Variants in RCC1L observed in about 807,000 individuals in gnomAD.
RCC1L encodes RCC1-like G exchanging factor-like protein.
RCC1L carries 46 observed loss-of-function variants against 58.6 expected under a neutral mutation model. That is an observed-to-expected ratio of 0.79 (90% confidence interval 0.62 to 1.00). The LOEUF (loss-of-function observed/expected upper bound fraction) is 1.00, where lower values mean the gene tolerates loss of function less well. RCC1L is among the 50% of genes least tolerant of loss of function. RCC1L has a pLI of 0.00. For missense variants in RCC1L, 636 were observed against 623.6 expected (o/e 1.02, Z -0.21); for synonymous variants, 281 against 262.9 (o/e 1.07, Z -0.67).
In RCC1L at chr7:75,042,751, C is replaced by T. The variant is rs1274034538; in HGVS notation, c.*281G>A. On this transcript the variant is annotated 3_prime_UTR_variant, in exon 11 of 11. Coordinates refer to ENST00000610322, the MANE Select transcript of RCC1L (RefSeq NM_030798.5). ...GGCGAGACGTGACACCAGACACCGTCGCATGTTACTTGGAGAGAACAGAGA... is the reference window on the plus strand; with the variant it reads ...GGCGAGACGTGACACCAGACACCGTTGCATGTTACTTGGAGAGAACAGAGA... 5.7e-5 allele frequency: 79 copies of T among 1,374,194 alleles called. No individual in the cohort carries two copies. The highest frequency in any genetic ancestry group is 7.0e-5 in the Non-Finnish European group (74 of 1,056,480). The allele number at this position is 1,374,194 out of a possible 1,614,324, so 85.1% of individuals were successfully genotyped here.
intron 10 of RCC1L, among the ~76,000 whole-genome samples, chr7:75,030,844 C>T (rs1052299421): frequency 3.3e-4 from 51 of 152,302 alleles, no homozygotes; most frequent in African/African-American, 1.2e-3. Flanking sequence ...AAAGGCATCC[C>T]ATCCTGCAGA....
chr7:75,073,485 C>T lies in RCC1L; in HGVS notation c.253G>A (p.Gly85Arg), dbSNP rs1806846080. ...PSFVVPSSGP[G>R]PRAGARPRRR... ...CGCGGTCGGGCGCCGGCGCGGGGCC[C>T]GGGCCCGGAGCTGGGCACCACAAAG... The change falls in exon 1 of 11, where the codon GGG becomes AGG. Residue 85 changes from glycine (G) to arginine (R), a missense_variant. Coordinates refer to ENST00000610322, the MANE Select transcript of RCC1L (RefSeq NM_030798.5). 1 of 1,386,922 alleles carries T rather than the reference C, an allele frequency of 7.2e-7. No individual in the cohort carries two copies. Among genetic ancestry groups the T allele is most frequent in the South Asian group, 1.6e-5 (1 of 61,840 alleles). 85.9% of individuals were successfully genotyped at this position (1,386,922 alleles called of 1,614,324 possible). A position where few individuals can be genotyped will look rare whatever the true frequency, so the allele number is the denominator to read the frequency against.
intron 10 of RCC1L, among the ~76,000 whole-genome samples, chr7:75,028,338 C>T (rs959544091): frequency 6.6e-6 from 1 of 152,094 alleles, no homozygotes; most frequent in African/African-American, 2.4e-5. Flanking sequence ...CCACGCTGGT[C>T]TTGAACTCCT....
intron 9 of RCC1L, among the ~76,000 whole-genome samples, chr7:75,053,567 A>C (rs1805985852): frequency 2.0e-5 from 3 of 152,176 alleles, no homozygotes; most frequent in Admixed American, 2.0e-4. Flanking sequence ...GACGGAACAG[A>C]CAGATGATTT....
intron 10 of RCC1L, among the ~76,000 whole-genome samples, chr7:75,032,835 GT>G (rs1805341224): frequency 2.6e-5 from 4 of 152,072 alleles, no homozygotes; most frequent in Admixed American, 1.3e-4. Flanking sequence ...ACTTTTGGAG[GT>G]GGAGGCGGGA....
chr7:75,070,766 A>T lies in RCC1L; in HGVS notation c.328T>A (p.Ser110Thr), dbSNP rs782369320. The change falls in exon 2 of 11, where the codon TCA becomes ACA. Residue 110 changes from serine to threonine, a missense_variant. Ser to Thr is a moderately conservative substitution (Grantham distance 58). Coordinates refer to ENST00000610322, the MANE Select transcript of RCC1L (RefSeq NM_030798.5). ...PYRLELDQKI[S>T]SAACGYGFTL... ...AATCCATAGCCGCAAGCAGCAGATG[A>T]AATCTGAAAAGCAGTTCCCACAAAG... 6.2e-7 allele frequency: 1 copy of T among 1,613,980 alleles called. No individual in the cohort carries two copies. The highest frequency in any genetic ancestry group is 1.7e-4 in the Middle Eastern group (1 of 6,060).
chr7:75,044,477 T>G (rs1805658334), intron 10 of RCC1L, among the ~76,000 whole-genome samples: 4 of 150,650 alleles, frequency 2.7e-5, no homozygotes, highest in Non-Finnish European at 5.9e-5. Flanking sequence ...CGCACGCCTA[T>G]AACCCCAGCT....
intron 9 of RCC1L, among the ~76,000 whole-genome samples, chr7:75,053,320 G>A (rs1046418618): frequency 1.3e-5 from 2 of 152,146 alleles, no homozygotes; most frequent in Non-Finnish European, 2.9e-5. Context: ...TGATGCACAC[G>A]GCCCACTCTG....
chr7:75,042,047 T>C (rs1805582749), downstream of RCC1L: 3 of 500,432 alleles, frequency 6.0e-6, no homozygotes, highest in East Asian at 1.5e-4. Flanking sequence ...ACCTTGTCTC[T>C]ATAAAAAAAT....
chr7:75,073,294 G>C (rs1298059269), intron 1 of RCC1L, 120 bp downstream of exon 1: 3 of 467,272 alleles, frequency 6.4e-6, no homozygotes, highest in African/African-American at 4.1e-5. Flanking sequence ...CTCGAGGGTC[G>C]TCCTGCCGGA....
chr7:75,056,291 C>G (rs1387183243), intron 8 of RCC1L, among the ~76,000 whole-genome samples: 1 of 151,864 alleles, frequency 6.6e-6, no homozygotes, highest in African/African-American at 2.4e-5. Flanking sequence ...CTGGGGGAGT[C>G]TGTCTCGCCA....
At chr7:75,053,264 T>C (rs1416387863) in intron 9 of RCC1L, among the ~76,000 whole-genome samples, 1 of 117,010 alleles carries the variant, frequency 8.5e-6, no homozygotes, top group Non-Finnish European at 1.8e-5. Flanking sequence ...CTGGGGGTGG[T>C]GCATGGAGCT....
chr7:75,057,835 G>A (rs1427263100), intron 7 of RCC1L: 3 of 599,336 alleles, frequency 5.0e-6, no homozygotes, highest in Non-Finnish European at 9.2e-6. Flanking sequence ...TCTAGTGGAC[G>A]AGGCAGATGT....
At chr7:75,038,570 A>C (rs1252834801), downstream of RCC1L, among the ~76,000 whole-genome samples, 1 of 140,784 alleles carries the variant, frequency 7.1e-6, no homozygotes, top group Non-Finnish European at 1.5e-5. Flanking sequence ...GTTCATTCCT[A>C]CTCCATGGGT....
At chr7:75,038,581 G>T (rs911554884), downstream of RCC1L, among the ~76,000 whole-genome samples, 1 of 151,212 alleles carries the variant, frequency 6.6e-6, no homozygotes, top group Non-Finnish European at 1.5e-5. Flanking sequence ...CTCCATGGGT[G>T]GGGGCAGGAG....
chr7:75,045,518 CTCT>C (rs1447358691), intron 10 of RCC1L, among the ~76,000 whole-genome samples: 1 of 85,412 alleles, frequency 1.2e-5, no homozygotes, highest in Non-Finnish European at 2.3e-5. Flanking sequence ...ATATGCATCT[CTCT>C]TTTTTTTTTT....
intron 10 of RCC1L, among the ~76,000 whole-genome samples, chr7:75,032,565 G>T (rs1336181972): frequency 6.6e-6 from 1 of 152,096 alleles, no homozygotes; most frequent in Non-Finnish European, 1.5e-5. Context: ...TGTGAGCAGG[G>T]CAGAGCTGAA....
Position 75,073,594 on chromosome 7 carries a change from G to A in RCC1L, c.144C>T (p.Val48=), listed in dbSNP as rs1455293580. 1.2e-5 allele frequency: 19 copies of A among 1,531,510 alleles called. 1 individual carries two copies. Among genetic ancestry groups the A allele is most frequent in the African/African-American group, 4.3e-5 (3 of 69,634 alleles). The allele number at this position is 1,531,510 out of a possible 1,614,324, so 94.9% of individuals were successfully genotyped here. A position where few individuals can be genotyped will look rare whatever the true frequency, so the allele number is the denominator to read the frequency against. The change falls in exon 1 of 11, where the codon GTC becomes GTT. Residue 48 remains valine (V), a synonymous_variant. Transcript: ENST00000610322. Reference sequence around the variant, plus strand: ...GGGCAGCGCGCTCGCCCACGTACTGGACCACGGGCACCTCCGCCTCGGCTT... The same window carrying A: ...GGGCAGCGCGCTCGCCCACGTACTGAACCACGGGCACCTCCGCCTCGGCTT... ...AAEAEAEVPV[V]QYVGERAARA...
At chr7:75,067,311 A>T (rs1219195214) in intron 2 of RCC1L, among the ~76,000 whole-genome samples, 1 of 150,566 alleles carries the variant, frequency 6.6e-6, no homozygotes, top group African/African-American at 2.4e-5. Context: ...GGAAAAAAAA[A>T]AAAAATGCAT....
Sources: gnomAD v4.1 joint callset for allele counts (sites outside exome capture counted in the v4.1 genomes callset) on GRCh38, gnomAD v4.1.1 for gene constraint, MANE v1.5 for transcripts, NCBI Gene and HGNC (gene_info 2026-07-23, HGNC 2026-07-21) for gene names.